The following IQSEC1 variants were observed in gnomAD, a reference collection of about 807,000 sequenced individuals.
The protein encoded by IQSEC1 is IQ motif and Sec7 domain ArfGEF 1, also known as IQ motif and SEC7 domain-containing protein 1.
Under a neutral mutation model 91.0 loss-of-function variants are expected in IQSEC1, and 31 were observed. That is an observed-to-expected ratio of 0.34 (90% CI 0.26 to 0.46). The LOEUF is 0.46. IQSEC1 is among the 20% of genes least tolerant of loss of function. IQSEC1 has a pLI of 1.00. For synonymous variants in IQSEC1, 699 were observed against 662.6 expected (o/e 1.05, Z -0.84); for missense variants, 1,388 against 1,575.6 (o/e 0.88, Z 2.02).
At chr3:13,252,756 G>A (rs1468054704) in intron 1 of IQSEC1, among the ~76,000 whole-genome samples, 5 of 143,612 alleles carry the variant, frequency 3.5e-5, no homozygotes, top group South Asian at 2.2e-4. Context: ...GTTTTGAGAC[G>A]GAGTCTTGCT....
upstream of IQSEC1, among the ~76,000 whole-genome samples, chr3:13,075,567 C>G (rs1290019084): frequency 6.6e-6 from 1 of 152,242 alleles, no homozygotes; most frequent in Non-Finnish European, 1.5e-5. Context: ...CATGCATCTG[C>G]ACATCCGTTG....
chr3:13,179,587 G>A (rs760508219), intron 1 of IQSEC1, among the ~76,000 whole-genome samples: 12 of 152,362 alleles, frequency 7.9e-5, no homozygotes, highest in East Asian at 1.9e-4. Flanking sequence ...AGGTGACAGC[G>A]TGCTGGCAGT....
At chr3:13,030,095 T>C (rs998283384) in intron 1 of IQSEC1, among the ~76,000 whole-genome samples, 3 of 152,326 alleles carry the variant, frequency 2.0e-5, no homozygotes, top group African/African-American at 7.2e-5. Flanking sequence ...TGAGCCATCA[T>C]GCTCTGTCTA....
intron 1 of IQSEC1, among the ~76,000 whole-genome samples, chr3:12,980,842 G>A (rs570919132): frequency 1.3e-4 from 20 of 152,308 alleles, no homozygotes; most frequent in East Asian, 3.9e-4. Context: ...GTAGGGCTGC[G>A]TGGATGCTCC....
intron 13 of IQSEC1, 99 bp downstream of exon 13, chr3:12,902,674 A>AAAAAAAAAAAAAAAAAAAAAAAAC: frequency 1.9e-6 from 1 of 517,298 alleles, no homozygotes; most frequent in Non-Finnish European, 3.3e-6. Flanking sequence ...AAAAACCAAA[A>AAAAAAAAAAAAAAAAAAAAAAAAC]AAAAAAAAAA....
At position 13,275,929 on chromosome 3, in the gene IQSEC1, C is replaced by A. The variant is rs78205328; in HGVS notation, c.272+6782G>T. On this transcript the variant is annotated intron_variant, in intron 1 of 15. Transcript: ENST00000648114. ...CCACAGAGTTCCAGAACTCCAAGGA[C>A]GGAGGGGCATGGAACATAGTAAATA... 6.6e-5 allele frequency among the ~76,000 whole-genome samples: 10 copies of A among 152,320 alleles called. No homozygotes were observed. The East Asian group carries it at 1.7e-3, about 26-fold the overall frequency.
chr3:13,156,026 C>T (rs1300582300), intron 2 of IQSEC1, among the ~76,000 whole-genome samples: 1 of 150,296 alleles, frequency 6.7e-6, no homozygotes, highest in African/African-American at 2.5e-5. Context: ...CAAGACCAGT[C>T]TGCCCAACAT....
chr3:13,157,010 G>A (rs1653194554), intron 2 of IQSEC1, among the ~76,000 whole-genome samples: 1 of 152,140 alleles, frequency 6.6e-6, no homozygotes, highest in South Asian at 2.1e-4. Flanking sequence ...TTGAGATAAG[G>A]ACACTGAGGC....
chr3:13,115,612 G>A (rs1015230658), intron 2 of IQSEC1, among the ~76,000 whole-genome samples: 3 of 152,222 alleles, frequency 2.0e-5, no homozygotes, highest in African/African-American at 4.8e-5. Context: ...AGAGTCACTC[G>A]AGAGGGGCAC....
intron 12 of IQSEC1, among the ~76,000 whole-genome samples, chr3:12,906,623 A>C (rs1170119788): frequency 6.6e-6 from 1 of 152,188 alleles, no homozygotes; most frequent in East Asian, 1.9e-4. Flanking sequence ...CCCAAATGAC[A>C]ACAGCAATCG....
chr3:13,066,548 G>A (rs1454770188), intron 1 of IQSEC1, among the ~76,000 whole-genome samples: 1 of 152,256 alleles, frequency 6.6e-6, no homozygotes, highest in African/African-American at 2.4e-5. Context: ...GCCAGCATGG[G>A]CAAGAGTGTG....
intron 1 of IQSEC1, among the ~76,000 whole-genome samples, chr3:13,179,355 C>T (rs1693793399): frequency 6.6e-6 from 1 of 152,162 alleles, no homozygotes; most frequent in Non-Finnish European, 1.5e-5. Flanking sequence ...GAGACATTAA[C>T]TATAGAAAAA....
intron 3 of IQSEC1, among the ~76,000 whole-genome samples, chr3:12,926,634 T>C (rs1443580574): frequency 6.6e-6 from 1 of 152,172 alleles, no homozygotes; most frequent in Non-Finnish European, 1.5e-5. Context: ...ATCCACTAAT[T>C]AGGGGGCCGG....
chr3:12,993,947 C>A (rs1052614804), intron 1 of IQSEC1, among the ~76,000 whole-genome samples: 3 of 151,960 alleles, frequency 2.0e-5, no homozygotes, highest in African/African-American at 7.2e-5. Context: ...TCGGTGCAAC[C>A]GCGGCCCCGG....
At chr3:13,102,422 G>A (rs1167571132) in intron 2 of IQSEC1, among the ~76,000 whole-genome samples, 1 of 152,244 alleles carries the variant, frequency 6.6e-6, no homozygotes, top group Non-Finnish European at 1.5e-5. Context: ...GTGTTGGTGG[G>A]GGGCTGGATT....
intron 1 of IQSEC1, among the ~76,000 whole-genome samples, chr3:13,229,156 T>G (rs1409849554): frequency 2.0e-5 from 3 of 152,234 alleles, no homozygotes; most frequent in African/African-American, 7.2e-5. Context: ...AAATCCTGAC[T>G]GCCTGGGTTC....
intron 1 of IQSEC1, among the ~76,000 whole-genome samples, chr3:13,035,828 T>C (rs575942196): frequency 2.6e-4 from 39 of 152,340 alleles, no homozygotes; most frequent in African/African-American, 9.1e-4. Flanking sequence ...GGCCTGGTCA[T>C]AAAAGGTGGC....
At chr3:12,963,119 A>G (rs1017012324) in intron 1 of IQSEC1, among the ~76,000 whole-genome samples, 1 of 152,242 alleles carries the variant, frequency 6.6e-6, no homozygotes, top group Non-Finnish European at 1.5e-5. Context: ...TGTTGCTATT[A>G]CTATTACTAC....
At chr3:13,197,577 C>T (rs1057235772) in intron 1 of IQSEC1, among the ~76,000 whole-genome samples, 11 of 152,354 alleles carry the variant, frequency 7.2e-5, no homozygotes, top group South Asian at 2.1e-4. Flanking sequence ...CCAAGCTGCC[C>T]GCCCTATTCA....
Sources: allele counts gnomAD v4.1 joint callset (sites outside exome capture counted in the v4.1 genomes callset), GRCh38; gene constraint gnomAD v4.1.1; transcripts MANE v1.5; gene names NCBI Gene and HGNC (gene_info 2026-07-23, HGNC 2026-07-21).